MYO3B: variants seen among roughly 807,000 people sequenced by gnomAD.
MYO3B encodes the protein myosin IIIB.
MYO3B carries 156 observed loss-of-function variants against 174.6 expected under a neutral mutation model. The observed-to-expected ratio is 0.89, with a 90% confidence interval of 0.78 to 1.02. The LOEUF (loss-of-function observed/expected upper bound fraction) is 1.02, where lower values mean the gene tolerates loss of function less well. Among genes scored for constraint, MYO3B ranks in the 50% least tolerant of loss-of-function variants. The pLI is 0.00. For missense variants in MYO3B, 1,632 were observed against 1,639.4 expected, an observed-to-expected ratio of 1.00 and a Z score of 0.08; for synonymous variants, 563 against 569.1, an observed-to-expected ratio of 0.99 and a Z score of 0.15.
intron 23 of MYO3B, among the ~76,000 whole-genome samples, chr2:170,446,826 A>C (rs2094846110): frequency 6.6e-6 from 1 of 152,262 alleles, no homozygotes; most frequent in Non-Finnish European, 1.5e-5. Flanking sequence ...TATAAGTTTT[A>C]GATGACATGA....
chr2:170,311,809 C>G (rs1434544065), intron 7 of MYO3B, among the ~76,000 whole-genome samples: 1 of 152,048 alleles, frequency 6.6e-6, no homozygotes, highest in Non-Finnish European at 1.5e-5. Context: ...GGTCCAACTT[C>G]GTCTTTTGTG....
At chr2:170,533,989 T>C (rs947730682) in intron 30 of MYO3B, among the ~76,000 whole-genome samples, 5 of 152,250 alleles carry the variant, frequency 3.3e-5, no homozygotes, top group Non-Finnish European at 2.9e-5. Flanking sequence ...GAATTTTCTA[T>C]AAACAACAAA....
At chr2:170,586,492 T>C (rs367568298) in intron 32 of MYO3B, among the ~76,000 whole-genome samples, 2 of 152,240 alleles carry the variant, frequency 1.3e-5, no homozygotes, top group Admixed American at 6.5e-5. Context: ...TTAGAAAATA[T>C]TTAGCAATTA....
intron 32 of MYO3B, among the ~76,000 whole-genome samples, chr2:170,586,356 A>G (rs1426432978): frequency 6.6e-6 from 1 of 152,196 alleles, no homozygotes; most frequent in Non-Finnish European, 1.5e-5. Context: ...TCAGAGCAGT[A>G]ATTTTCACAG....
At chr2:170,329,831 C>A (rs377464653) in intron 7 of MYO3B, among the ~76,000 whole-genome samples, 139 of 152,256 alleles carry the variant, frequency 9.1e-4, no homozygotes, top group African/African-American at 3.1e-3. Context: ...GACAGAGAGA[C>A]ACAGACACAG....
intron 6 of MYO3B, among the ~76,000 whole-genome samples, chr2:170,225,957 G>T (rs980715049): frequency 6.6e-6 from 1 of 152,140 alleles, no homozygotes; most frequent in Admixed American, 6.5e-5. Context: ...AGAAGAAATT[G>T]GCTTAGGTAG....
intron 7 of MYO3B, among the ~76,000 whole-genome samples, chr2:170,245,832 G>C (rs1215837616): frequency 6.6e-6 from 1 of 152,068 alleles, no homozygotes; most frequent in African/African-American, 2.4e-5. Flanking sequence ...GAATATCCTG[G>C]GAGCTTTAAA....
At chr2:170,494,078 A>C (rs1177837240) in intron 25 of MYO3B, among the ~76,000 whole-genome samples, 1 of 152,236 alleles carries the variant, frequency 6.6e-6, no homozygotes, top group African/African-American at 2.4e-5. Flanking sequence ...TAAGGCATTA[A>C]ATTTTGAAGT....
At chr2:170,460,881 A>G (rs1386858551) in intron 23 of MYO3B, among the ~76,000 whole-genome samples, 1 of 152,206 alleles carries the variant, frequency 6.6e-6, no homozygotes, top group African/African-American at 2.4e-5. Flanking sequence ...TATGGGGTAC[A>G]TGTGAAATTT....
At chr2:170,485,947 C>T (rs1686020980) in intron 25 of MYO3B, among the ~76,000 whole-genome samples, 1 of 152,010 alleles carries the variant, frequency 6.6e-6, no homozygotes, top group African/African-American at 2.4e-5. Flanking sequence ...GGAAGGCTAG[C>T]TAAAATGCAG....
intron 1 of MYO3B, among the ~76,000 whole-genome samples, chr2:170,189,697 C>T (rs1332398784): frequency 6.6e-6 from 1 of 151,976 alleles, no homozygotes; most frequent in Non-Finnish European, 1.5e-5. Flanking sequence ...ATTTCAATCT[C>T]TATTAAATTT....
rs372390073 is a variant in MYO3B at position 170,280,329 on chromosome 2, A to T, written c.749+44193A>T. ...GGGGTTGTTTTTTTTTCTCTTATAA[A>T]TTTGTTTAAATTTCTTATAGATGCT... On this transcript the variant is annotated intron_variant, in intron 7 of 34. Coordinates refer to ENST00000408978, the MANE Select transcript of MYO3B (RefSeq NM_138995.5). Among the ~76,000 whole-genome samples, 268 of 151,754 alleles carry T rather than the reference A, an allele frequency of 1.8e-3. 2 individuals are homozygous for T. The highest frequency in any genetic ancestry group is 5.6e-3 in the African/African-American group (233 of 41,440).
chr2:170,496,705 T>C (rs928903216), intron 25 of MYO3B, among the ~76,000 whole-genome samples: 2 of 151,696 alleles, frequency 1.3e-5, no homozygotes, highest in Non-Finnish European at 2.9e-5. Context: ...AGTGCAGTGG[T>C]GTGATCATGG....
chr2:170,397,039 C>T (rs937894270), intron 16 of MYO3B, among the ~76,000 whole-genome samples: 1 of 152,026 alleles, frequency 6.6e-6, no homozygotes, highest in South Asian at 2.1e-4. Context: ...ATCAAAGTAA[C>T]GAGGTGCTGT....
chr2:170,519,376 C>A, intron 29 of MYO3B, 62 bp from the exon 30 acceptor site: 2 of 1,336,914 alleles, frequency 1.5e-6, no homozygotes, highest in Non-Finnish European at 1.1e-6. Context: ...TGTAGATGGG[C>A]ACCAAAAGCT....
At chr2:170,233,527 G>A (rs1025010243) in intron 6 of MYO3B, among the ~76,000 whole-genome samples, 19 of 152,240 alleles carry the variant, frequency 1.2e-4, no homozygotes, top group African/African-American at 4.3e-4. Flanking sequence ...GGTGAGGAAA[G>A]GGAGGTCTTT....
intron 6 of MYO3B, among the ~76,000 whole-genome samples, chr2:170,220,698 C>T (rs1163457775): frequency 5.3e-5 from 8 of 150,708 alleles, no homozygotes; most frequent in Non-Finnish European, 1.5e-5. Context: ...GCTTTTTGCT[C>T]AGATTCCCTG....
intron 22 of MYO3B, among the ~76,000 whole-genome samples, chr2:170,433,088 G>A (rs1339208690): frequency 6.6e-6 from 1 of 151,906 alleles, no homozygotes; most frequent in Admixed American, 6.6e-5. Context: ...GCCCTATATA[G>A]GTGTACTGTT....
intron 6 of MYO3B, among the ~76,000 whole-genome samples, chr2:170,226,176 T>G (rs917821899): frequency 4.6e-5 from 7 of 152,136 alleles, no homozygotes. Flanking sequence ...GACTGGAGAT[T>G]CATGGGACCC....
Sources: gnomAD v4.1 joint callset for allele counts (sites outside exome capture counted in the v4.1 genomes callset) on GRCh38, gnomAD v4.1.1 for gene constraint, MANE v1.5 for transcripts, NCBI Gene and HGNC (gene_info 2026-07-23, HGNC 2026-07-21) for gene names.